Variants in USP22 observed in about 807,000 individuals in gnomAD.
USP22 encodes the protein ubiquitin carboxyl-terminal hydrolase 22.
In USP22, 22 loss-of-function variants were observed where a neutral mutation model predicts 68.1. The observed-to-expected ratio is 0.32, with a 90% CI of 0.23 to 0.46. The LOEUF (loss-of-function observed/expected upper bound fraction) is 0.46. Ranked by LOEUF, USP22 falls within the 20% of genes least tolerant of loss-of-function variation. USP22 has a pLI of 1.00. For missense variants in USP22, 433 were observed against 695.8 expected (o/e 0.62, Z 4.25); for synonymous variants, 279 against 274.2 (o/e 1.02, Z -0.17).
At chr17:21,038,801 T>C (rs1271879370) in intron 1 of USP22, among the ~76,000 whole-genome samples, 1 of 152,186 alleles carries the variant, frequency 6.6e-6, no homozygotes, top group Non-Finnish European at 1.5e-5. Context: ...ATATTCAAAA[T>C]ATAATGTAGA....
intron 11 of USP22, among the ~76,000 whole-genome samples, chr17:21,004,665 C>T (rs1913720621): frequency 6.6e-6 from 1 of 152,254 alleles, no homozygotes; most frequent in African/African-American, 2.4e-5. Context: ...AGAATGAACA[C>T]CGAGCTTTCC....
chr17:21,021,019 C>T, intron 3 of USP22, 94 bp downstream of exon 3: 1 of 1,006,100 alleles, frequency 9.9e-7, no homozygotes, highest in Admixed American at 2.0e-5. Context: ...CTGCCACTTC[C>T]CACCTAGGTA....
chr17:21,006,797 C>T, intron 10 of USP22, 99 bp downstream of exon 10: 1 of 1,017,690 alleles, frequency 9.8e-7, no homozygotes, highest in South Asian at 2.0e-5. Flanking sequence ...GCCACTGCAC[C>T]CGGCCAACAG....
At chr17:21,015,690 G>C in intron 6 of USP22, 62 bp downstream of exon 6, 2 of 1,539,086 alleles carry the variant, frequency 1.3e-6, no homozygotes, top group Non-Finnish European at 1.7e-6. Context: ...CACTCGCTTT[G>C]CTTCCTTCCC....
chr17:21,008,058 G>A (rs375073310), intron 8 of USP22, 62 bp from the exon 9 acceptor site: 3 of 1,568,138 alleles, frequency 1.9e-6, no homozygotes, highest in Non-Finnish European at 8.7e-7. Flanking sequence ...AAAATGAGAG[G>A]AAAGAGGTAT....
At chr17:21,017,875 A>AT in intron 5 of USP22, 67 bp downstream of exon 5, 5 of 1,586,030 alleles carry the variant, frequency 3.2e-6, no homozygotes, top group Admixed American at 1.8e-5. Context: ...GTCCACCTTA[A>AT]ATTTTTTTTT....
intron 6 of USP22, 95 bp from the exon 7 acceptor site, chr17:21,013,030 C>T: frequency 8.5e-7 from 1 of 1,170,828 alleles, no homozygotes. Flanking sequence ...CTGGGGGAGC[C>T]AGGGCCAACG....
Position 21,042,990 on chromosome 17 carries a change from A to T in USP22, c.-155T>A. 1 of 370,242 alleles carries T rather than the reference A, an allele frequency of 2.7e-6. No homozygotes were observed. 22.9% of individuals were successfully genotyped at this position (370,242 alleles called of 1,614,324 possible). A position where few individuals can be genotyped will look rare whatever the true frequency, so the allele number is the denominator to read the frequency against. The stretch of plus-strand genomic sequence containing the variant: ...GGCCGGACAAAGATGGGGCTGCGCG[A>T]TCGCCGAGGGGAGGCTGCAAGGCAG... On this transcript the variant is annotated 5_prime_UTR_variant, in exon 1 of 13. Transcript: ENST00000261497.
At chr17:21,003,682 G>C (rs993971769) in intron 12 of USP22, among the ~76,000 whole-genome samples, 1 of 152,086 alleles carries the variant, frequency 6.6e-6, no homozygotes, top group Non-Finnish European at 1.5e-5. Context: ...CAGGAGGATT[G>C]CCTGAAGTCA....
intron 12 of USP22, among the ~76,000 whole-genome samples, chr17:21,003,920 AAAAG>A (rs1913685065): frequency 1.3e-5 from 2 of 152,106 alleles, no homozygotes; most frequent in East Asian, 1.9e-4. Flanking sequence ...AAAAAAAAAA[AAAAG>A]AACTGATGTG....
chr17:21,012,917 T>G lies in USP22; in HGVS notation c.857A>C (p.Lys286Thr). 5.0e-6 allele frequency: 8 copies of G among 1,614,022 alleles called. No homozygotes were observed. Among genetic ancestry groups the G allele is most frequent in the Non-Finnish European group, 6.8e-6 (8 of 1,180,016 alleles). The part of the protein sequence containing the change: ...RHCKGDDNGK[K>T]ANNPNHCNCI... The stretch of plus-strand genomic sequence containing the variant: ...GTTGCAGTGGTTGGGGTTGTTGGCC[T>G]TCTTCCCATTGTCATCACCTGGAGA... Residue 286 changes from lysine to threonine, a missense_variant, in exon 7 of 13, where the codon AAG becomes ACG. Lys to Thr is a moderately conservative substitution (Grantham distance 78). Transcript: ENST00000261497.
chr17:21,042,358 A>G (rs1226376506), intron 1 of USP22: 20 of 144,894 alleles, frequency 1.4e-4, no homozygotes, highest in African/African-American at 6.4e-4. Flanking sequence ...GCGGAGAGAA[A>G]GGAGGGGGAG....
chr17:21,033,555 G>A (rs962863813), intron 1 of USP22, among the ~76,000 whole-genome samples: 7 of 152,070 alleles, frequency 4.6e-5, no homozygotes, highest in Admixed American at 4.6e-4. Context: ...ACAGTACACT[G>A]AATTTTGAGT....
intron 1 of USP22, among the ~76,000 whole-genome samples, chr17:21,033,787 T>TC (rs1427772663): frequency 6.6e-6 from 1 of 151,596 alleles, no homozygotes; most frequent in Non-Finnish European, 1.5e-5. Flanking sequence ...TCTTGCTCTG[T>TC]CACCAGGCTG....
In USP22 at chr17:21,011,248, T is replaced by G; in HGVS notation, c.1006A>C (p.Thr336Pro). 1 of 1,599,792 alleles carries G rather than the reference T, an allele frequency of 6.3e-7. No homozygotes were observed. The highest frequency in any genetic ancestry group is 8.5e-7 in the Non-Finnish European group (1 of 1,173,152). The part of the protein sequence containing the change: ...DISLDLPGSS[T>P]PFWPLSPGSE... ...CCTGGGCTCAGGGGCCAGAATGGGGTGGAAGAGCCGGGGAGATCCAAGCTG... is the reference window on the plus strand; with the variant it reads ...CCTGGGCTCAGGGGCCAGAATGGGGGGGAAGAGCCGGGGAGATCCAAGCTG... The change falls in exon 8 of 13, where the codon ACC (threonine) becomes CCC (proline). Residue 336 changes from threonine to proline, a missense_variant. Coordinates refer to ENST00000261497, the MANE Select transcript of USP22 (RefSeq NM_015276.2).
chr17:21,020,923 A>G (rs7207724), intron 3 of USP22, among the ~76,000 whole-genome samples, 190 bp downstream of exon 3: 113,723 of 152,096 alleles, frequency 0.75, 42,982 homozygotes, highest in South Asian at 0.83. Flanking sequence ...ATGCCTCGAC[A>G]CTAGCCACCT....
chr17:20,999,925 T>TG lies in USP22; in HGVS notation c.*3105_*3106insC, dbSNP rs1913502214. On this transcript the variant is annotated 3_prime_UTR_variant, in exon 13 of 13. Coordinates refer to ENST00000261497, the MANE Select transcript of USP22 (RefSeq NM_015276.2). ...GGAATGCCCAGGGAGGCTGCAGTGC[T>TG]CACCACGAAGCCCAGGTCCACGGAG... 2 of 152,258 alleles carry TG rather than the reference T, an allele frequency of 1.3e-5. No homozygotes were observed. Among genetic ancestry groups the TG allele is most frequent in the Non-Finnish European group, 2.9e-5 (2 of 68,122 alleles). The allele number at this position is 152,258 out of a possible 1,614,324, so 9.4% of individuals were successfully genotyped here.
rs562139147 is a variant in USP22 at position 21,011,126 on chromosome 17, C to T, written c.1103+25G>A. The T allele has an allele frequency of 1.3e-5, 20 of 1,559,826 alleles. 1 individual carries two copies. Among genetic ancestry groups the T allele is most frequent in the East Asian group, 4.5e-5 (2 of 44,242 alleles). The stretch of plus-strand genomic sequence containing the variant: ...GCCTTCTGGCCAGGAGACACGCCCC[C>T]GCCGTGTGGGTGCAGGCCTCTCACC... On this transcript the variant is annotated intron_variant, in intron 8 of 12. Transcript: ENST00000261497.
At chr17:21,026,343 T>C (rs1054608706) in intron 2 of USP22, among the ~76,000 whole-genome samples, 1 of 152,162 alleles carries the variant, frequency 6.6e-6, no homozygotes, top group African/African-American at 2.4e-5. Context: ...TTTTACTTTA[T>C]TTTTTTGAGT....
Sources: allele counts gnomAD v4.1 joint callset (sites outside exome capture counted in the v4.1 genomes callset), GRCh38; gene constraint gnomAD v4.1.1; transcripts MANE v1.5; gene names NCBI Gene and HGNC (gene_info 2026-07-23, HGNC 2026-07-21).